PUM1: variants seen among roughly 807,000 people sequenced by gnomAD.
PUM1 encodes pumilio RNA binding family member 1.
A neutral mutation model predicts 131.8 loss-of-function variants in PUM1; 13 were observed. The ratio of observed to expected loss-of-function variants is 0.10; its 90% CI spans 0.06 to 0.16. The LOEUF (loss-of-function observed/expected upper bound fraction) is 0.16. PUM1 is among the 10% of genes least tolerant of loss of function. The pLI, the probability that PUM1 is intolerant of heterozygous loss-of-function variation, is 1.00. For synonymous variants in PUM1, 509 were observed against 556.5 expected, an observed-to-expected ratio of 0.91 and a Z score of 1.20; for missense variants, 961 against 1,512.4, an observed-to-expected ratio of 0.64 and a Z score of 6.05.
chr1:30,995,232 A>G lies in PUM1; in HGVS notation c.721-12T>C, dbSNP rs1261017022. The G allele has an allele frequency of 1.2e-6, 2 of 1,613,658 alleles. No individual in the cohort carries two copies. The highest frequency in any genetic ancestry group is 1.7e-6 in the Non-Finnish European group (2 of 1,179,814). On this transcript the variant is annotated splice_polypyrimidine_tract_variant and intron_variant, in intron 5 of 21. Coordinates refer to ENST00000426105, the MANE Select transcript of PUM1 (RefSeq NM_001020658.2). ...GCATCCCTTGGGCCCTGTTTAAAAA[A>G]TAGCTTCAGCTTCACTAATCGTCAT...
rs545878576 is a variant in PUM1, at chr1:30,983,378, T to A, written c.1159-1973A>T. Reference sequence around the variant, plus strand: ...TTTTGCAACATTTAACATATCAGCTTGTGCTAGCTGCTTCTCTCTACCCTT... The same window carrying A: ...TTTTGCAACATTTAACATATCAGCTAGTGCTAGCTGCTTCTCTCTACCCTT... On this transcript the variant is annotated intron_variant, in intron 7 of 21. Coordinates refer to ENST00000426105, the MANE Select transcript of PUM1 (RefSeq NM_001020658.2). Among the ~76,000 whole-genome samples the A allele has an allele frequency of 2.6e-5, 4 of 152,334 alleles. No individual in the cohort carries two copies. The South Asian group carries it at 8.3e-4, about 32-fold the overall frequency.
chr1:30,985,650 C>CA (rs372548441), intron 7 of PUM1, among the ~76,000 whole-genome samples: 20,691 of 64,962 alleles, frequency 0.32, 2,867 homozygotes, highest in East Asian at 0.59. Context: ...AACTCCATCT[C>CA]AAAAAAAAAA....
At chr1:31,052,058 G>C (rs1320430404) in intron 2 of PUM1, among the ~76,000 whole-genome samples, 1 of 152,022 alleles carries the variant, frequency 6.6e-6, no homozygotes, top group Admixed American at 6.6e-5. Context: ...TGTCGCCCAG[G>C]CTGGAGGGCA....
chr1:31,023,507 A>T (rs1201920463), intron 3 of PUM1, among the ~76,000 whole-genome samples: 1 of 152,196 alleles, frequency 6.6e-6, no homozygotes, highest in African/African-American at 2.4e-5. Context: ...TGGGAAAAAA[A>T]TTTAACAGAT....
At chr1:30,981,123 G>A (rs563204467) in intron 8 of PUM1, among the ~76,000 whole-genome samples, 189 bp downstream of exon 8, 2 of 152,178 alleles carry the variant, frequency 1.3e-5, no homozygotes, top group Non-Finnish European at 2.9e-5. Flanking sequence ...GTTATGATGC[G>A]GGTCTACAAG....
At chr1:31,042,441 G>C (rs1181317932) in intron 2 of PUM1, among the ~76,000 whole-genome samples, 1 of 152,052 alleles carries the variant, frequency 6.6e-6, no homozygotes, top group African/African-American at 2.4e-5. Flanking sequence ...AATTAAAAGA[G>C]AGATAACTAA....
At chr1:30,936,931 A>AG (rs1189890547) in intron 20 of PUM1, 96 bp from the exon 21 acceptor site, 1 of 1,014,534 alleles carries the variant, frequency 9.9e-7, no homozygotes, top group African/African-American at 1.7e-5. Context: ...CCGGACCAGC[A>AG]GGGAGAGAGA....
At chr1:30,966,321 G>A (rs373565585) in intron 12 of PUM1, 43 bp from the exon 13 acceptor site, 2 of 1,512,158 alleles carry the variant, frequency 1.3e-6, no homozygotes, top group African/African-American at 2.8e-5. Flanking sequence ...AAAGGGACTG[G>A]CCACATTTCC....
intron 2 of PUM1, among the ~76,000 whole-genome samples, chr1:31,053,675 T>C (rs1212753342): frequency 6.6e-6 from 1 of 151,712 alleles, no homozygotes; most frequent in Non-Finnish European, 1.5e-5. Flanking sequence ...GATCTCACCA[T>C]GTTGTCCAGG....
chr1:30,976,121 T>G (rs529776010), intron 9 of PUM1, among the ~76,000 whole-genome samples: 1 of 152,052 alleles, frequency 6.6e-6, no homozygotes, highest in South Asian at 2.1e-4. Context: ...GCATTCTGCT[T>G]TAATCCAAAT....
At chr1:30,981,238 G>T in intron 8 of PUM1, 74 bp downstream of exon 8, 2 of 916,186 alleles carry the variant, frequency 2.2e-6, no homozygotes, top group Non-Finnish European at 3.3e-6. Flanking sequence ...TAAATTACTG[G>T]GTTTCACAGC....
chr1:30,952,453 C>T, intron 15 of PUM1, 90 bp from the exon 16 acceptor site: 2 of 1,586,262 alleles, frequency 1.3e-6, no homozygotes, highest in Non-Finnish European at 1.7e-6. Context: ...TGCATCCGTT[C>T]TGAAACATGT....
chr1:30,964,797 C>T lies in PUM1; in HGVS notation c.2200G>A (p.Gly734Ser), dbSNP rs764861701. 6.2e-6 allele frequency: 10 copies of T among 1,613,984 alleles called. No homozygotes were observed. In the East Asian group the frequency reaches 8.9e-5, roughly 14 times the overall value. The change falls in exon 14 of 22, where the codon GGC (glycine) becomes AGC (serine). Residue 734 changes from glycine (G) to serine (S), a missense_variant. By Grantham distance (56) the Gly-to-Ser change is moderately conservative. This residue lies in a region of PUM1 where 654 missense variants were observed against 923.9 expected (regional missense o/e 0.71). Transcript: ENST00000426105. ...LTPIGHSFYN[G>S]LSFSSSPGPV... Reference sequence around the variant, plus strand: ...CCAGGAGAGGAGGAAAAGCTAAGGCCGTTATAAAAACTGTGTCCAATGGGG... The same window carrying T: ...CCAGGAGAGGAGGAAAAGCTAAGGCTGTTATAAAAACTGTGTCCAATGGGG...
chr1:30,934,612 C>T (rs940925312), intron 21 of PUM1, among the ~76,000 whole-genome samples: 3 of 152,274 alleles, frequency 2.0e-5, no homozygotes, highest in East Asian at 1.9e-4. Context: ...ACCTGTAAAA[C>T]GGCGTATGCA....
chr1:30,976,994 G>C (rs1362387622), intron 9 of PUM1, among the ~76,000 whole-genome samples: 1 of 152,198 alleles, frequency 6.6e-6, no homozygotes, highest in African/African-American at 2.4e-5. Context: ...TAAACAGGTA[G>C]AGTGTTCCTT....
chr1:30,933,073 T>G lies in PUM1; in HGVS notation c.*138A>C. 2 of 1,095,310 alleles carry G rather than the reference T, an allele frequency of 1.8e-6. No individual in the cohort carries two copies. Among genetic ancestry groups the G allele is most frequent in the Non-Finnish European group, 2.6e-6 (2 of 779,736 alleles). 67.8% of individuals were successfully genotyped at this position (1,095,310 alleles called of 1,614,324 possible). Reference sequence around the variant, plus strand: ...TTTTCCACTCGTGGATTTGATTCCTTTTTTGGAGGAGGGAGTAATCCTGGA... The same window carrying G: ...TTTTCCACTCGTGGATTTGATTCCTGTTTTGGAGGAGGGAGTAATCCTGGA... On this transcript the variant is annotated 3_prime_UTR_variant, in exon 22 of 22. Transcript: ENST00000426105.
At chr1:30,954,472 A>G (rs1225406535) in intron 14 of PUM1, among the ~76,000 whole-genome samples, 1 of 152,220 alleles carries the variant, frequency 6.6e-6, no homozygotes, top group African/African-American at 2.4e-5. Flanking sequence ...AGGGGATCCC[A>G]TGAAAAAGCT....
intron 2 of PUM1, among the ~76,000 whole-genome samples, chr1:31,054,916 A>C (rs943787480): frequency 6.6e-6 from 1 of 152,150 alleles, no homozygotes; most frequent in African/African-American, 2.4e-5. Flanking sequence ...GAACGTGGAC[A>C]CTGGAATCAA....
At chr1:31,035,629 T>A (rs1253555849) in intron 2 of PUM1, among the ~76,000 whole-genome samples, 1 of 151,942 alleles carries the variant, frequency 6.6e-6, no homozygotes, top group Non-Finnish European at 1.5e-5. Context: ...CGTGCACCTG[T>A]AATCCCAGCT....
Sources: gnomAD v4.1 joint callset for allele counts (sites outside exome capture counted in the v4.1 genomes callset) on GRCh38, gnomAD v4.1.1 for gene constraint, gnomAD v4.1.1 regional missense constraint, MANE v1.5 for transcripts, NCBI Gene and HGNC (gene_info 2026-07-23, HGNC 2026-07-21) for gene names.